Variants in DST observed in about 807,000 individuals in gnomAD.
DST encodes bullous pemphigoid antigen.
Under a neutral mutation model 875.2 loss-of-function variants are expected in DST, and 253 were observed. That is an observed-to-expected ratio of 0.29 (90% CI 0.26 to 0.32). The LOEUF is 0.32. Among genes scored for constraint, DST ranks in the 10% least tolerant of loss-of-function variants. The pLI is 1.00. For synonymous variants in DST, 3,124 were observed against 3,197.1 expected, an observed-to-expected ratio of 0.98 and a Z score of 0.77; for missense variants, 8,287 against 9,111.6, an observed-to-expected ratio of 0.91 and a Z score of 3.68.
intron 58 of DST, among the ~76,000 whole-genome samples, chr6:56,559,205 A>G (rs981047014): frequency 3.9e-5 from 6 of 152,160 alleles, no homozygotes; most frequent in Admixed American, 2.0e-4. Context: ...TAAATCAGGA[A>G]GGAAAAATAG....
In DST at chr6:56,526,423, C is replaced by G. The variant is rs1348886077; in HGVS notation, c.18067G>C (p.Val6023Leu). The stretch of plus-strand genomic sequence containing the variant: ...ACCTTCTGAGTGATGGTGTCGCTCA[C>G]TAATCGGTAGCGCTCATTGTCCTCA... ...VAEDNERYRL[V>L]SDTITQKVEE... Residue 6023 changes from valine (V) to leucine (L), a missense_variant, in exon 69 of 104, where the codon GTG becomes CTG. By Grantham distance (32) the Val-to-Leu change is conservative. This residue lies in a region of DST where 777 missense variants were observed against 764.8 expected (regional missense o/e 1.02). Transcript: ENST00000680361. The G allele has an allele frequency of 6.2e-7, 1 of 1,613,760 alleles. No individual in the cohort carries two copies. The highest frequency in any genetic ancestry group is 8.5e-7 in the Non-Finnish European group (1 of 1,179,832).
chr6:56,563,725 C>T lies in DST; in HGVS notation c.14006-1525G>A, dbSNP rs146352951. ...TTTATGGTTTTAGGCCTTACGTTTA[C>T]GTCTTTAATCCATTTTCAGTTAGTT... is the stretch of plus-strand genomic sequence containing the variant. On this transcript the variant is annotated intron_variant, in intron 55 of 103. Coordinates refer to ENST00000680361, the MANE Select transcript of DST (RefSeq NM_001374736.1). Among the ~76,000 whole-genome samples, 483 of 152,218 alleles carry T rather than the reference C, an allele frequency of 3.2e-3. 5 individuals carry two copies. The highest frequency in any genetic ancestry group is 0.011 in the African/African-American group (455 of 41,526).
chr6:56,904,138 G>T (rs765700298), intron 2 of DST, among the ~76,000 whole-genome samples: 4 of 152,160 alleles, frequency 2.6e-5, no homozygotes, highest in Non-Finnish European at 4.4e-5. Context: ...AATTACTATG[G>T]ATATTACTTG....
chr6:56,639,181 C>T (rs773276172), intron 22 of DST, 78 bp downstream of exon 22: 2 of 1,266,216 alleles, frequency 1.6e-6, no homozygotes, highest in Non-Finnish European at 2.3e-6. Flanking sequence ...TAATTTTCAA[C>T]TTCTCAGCAA....
At chr6:56,568,421 G>A (rs2097719834) in intron 55 of DST, 48 bp downstream of exon 55, 1 of 1,566,148 alleles carries the variant, frequency 6.4e-7, no homozygotes, top group Non-Finnish European at 8.6e-7. Flanking sequence ...ATTGACATGA[G>A]TAAACCTGAT....
intron 80 of DST, among the ~76,000 whole-genome samples, chr6:56,499,369 G>T (rs1387480949): frequency 6.6e-6 from 1 of 152,108 alleles, no homozygotes; most frequent in African/African-American, 2.4e-5. Flanking sequence ...AACTGAGTAA[G>T]AAGTTATCTT....
Position 56,602,864 on chromosome 6 carries a change from C to A in DST, c.11307+18G>T. On this transcript the variant is annotated intron_variant, in intron 43 of 103. Transcript: ENST00000680361. ...TAGTTTTTGAAATATATTTTGTCAT[C>A]TTTGTTTTGATACTTGCCTTGAGAA... is the stretch of plus-strand genomic sequence containing the variant. The A allele has an allele frequency of 6.8e-7, 1 of 1,474,488 alleles. No individual in the cohort carries two copies. The allele number at this position is 1,474,488 out of a possible 1,614,324, so 91.3% of individuals were successfully genotyped here.
intron 9 of DST, among the ~76,000 whole-genome samples, chr6:56,699,428 C>T (rs1171469772): frequency 6.6e-6 from 1 of 152,192 alleles, no homozygotes; most frequent in Non-Finnish European, 1.5e-5. Context: ...TCTGAGATAA[C>T]AGACATTGTC....
intron 72 of DST, among the ~76,000 whole-genome samples, chr6:56,514,177 T>C (rs747646603): frequency 6.6e-5 from 10 of 152,232 alleles, no homozygotes; most frequent in Non-Finnish European, 1.3e-4. Flanking sequence ...TATTTGATGC[T>C]ATGCTAAAAA....
intron 80 of DST, among the ~76,000 whole-genome samples, chr6:56,498,751 T>C (rs1198212597): frequency 6.6e-6 from 1 of 152,166 alleles, no homozygotes; most frequent in African/African-American, 2.4e-5. Flanking sequence ...AATATTCCTT[T>C]ATCTTCTCTC....
At chr6:56,482,936 T>C in intron 88 of DST, 59 bp from the exon 89 acceptor site, 2 of 1,332,726 alleles carry the variant, frequency 1.5e-6, no homozygotes, top group Non-Finnish European at 1.0e-6. Context: ...CAGCAACACA[T>C]ACTGTTTGAG....
chr6:56,549,328 C>T (rs557814761), intron 61 of DST, among the ~76,000 whole-genome samples: 29 of 152,296 alleles, frequency 1.9e-4, no homozygotes, highest in African/African-American at 7.0e-4. Flanking sequence ...GGAAGACAGA[C>T]TCAGTCCTTC....
intron 34 of DST, among the ~76,000 whole-genome samples, chr6:56,625,890 G>A (rs2098729191): frequency 6.8e-6 from 1 of 147,694 alleles, no homozygotes; most frequent in Non-Finnish European, 1.5e-5. Flanking sequence ...GTAAGACAAT[G>A]ATATTGATGA....
chr6:56,771,762 C>T (rs190795392), intron 4 of DST, among the ~76,000 whole-genome samples: 5 of 152,280 alleles, frequency 3.3e-5, no homozygotes, highest in Admixed American at 3.3e-4. Context: ...TAGCTCTCTG[C>T]AAGAATCTGA....
At chr6:56,633,451 C>T (rs2098799845) in intron 27 of DST, among the ~76,000 whole-genome samples, 1 of 151,684 alleles carries the variant, frequency 6.6e-6, no homozygotes, top group Admixed American at 6.6e-5. Context: ...TGGTCTCGAT[C>T]TCCTGACCTC....
chr6:56,633,279 T>C (rs1457436227), intron 27 of DST, among the ~76,000 whole-genome samples: 1 of 145,018 alleles, frequency 6.9e-6, no homozygotes, highest in Non-Finnish European at 1.5e-5. Flanking sequence ...CAGGCTGGAG[T>C]GCAGTGGCGG....
intron 68 of DST, 81 bp downstream of exon 68, chr6:56,527,412 A>G (rs1400028613): frequency 2.0e-6 from 3 of 1,490,822 alleles, no homozygotes; most frequent in Non-Finnish European, 2.7e-6. Flanking sequence ...ATGACATAAG[A>G]CAAATATAAT....
At chr6:56,526,787 C>T (rs949633516) in intron 68 of DST, among the ~76,000 whole-genome samples, 1 of 151,006 alleles carries the variant, frequency 6.6e-6, no homozygotes, top group Non-Finnish European at 1.5e-5. Context: ...ATTCATTTGT[C>T]GACACGGCAA....
chr6:56,748,142 A>C (rs2967959), intron 4 of DST, among the ~76,000 whole-genome samples: 2,329 of 152,306 alleles, frequency 0.015, 56 homozygotes, highest in African/African-American at 0.053. Context: ...ACATAAGTTC[A>C]TTAAATAAGT....
Sources: allele counts gnomAD v4.1 joint callset (sites outside exome capture counted in the v4.1 genomes callset), GRCh38; gene constraint gnomAD v4.1.1; regional missense constraint gnomAD v4.1.1; transcripts MANE v1.5; gene names NCBI Gene and HGNC (gene_info 2026-07-23, HGNC 2026-07-21).